The following ACTN2 variants were observed in gnomAD, a reference collection of about 807,000 sequenced individuals.
ACTN2 encodes the protein actinin alpha 2.
In ACTN2, 39 loss-of-function variants were observed where a neutral mutation model predicts 113.8. The observed-to-expected ratio is 0.34, with a 90% CI of 0.27 to 0.45. The LOEUF (loss-of-function observed/expected upper bound fraction) is 0.45. Among genes scored for constraint, ACTN2 ranks in the 20% least tolerant of loss-of-function variants. The probability of loss-of-function intolerance (pLI) is 1.00; values close to 1 mark genes in which losing one functional copy is unlikely to be tolerated. For synonymous variants in ACTN2, 429 were observed against 444.1 expected (o/e 0.97, Z 0.43); for missense variants, 992 against 1,177.9 (o/e 0.84, Z 2.31).
At chr1:236,736,685 C>T (rs1295406142) in intron 8 of ACTN2, 7 of 1,463,042 alleles carry the variant, frequency 4.8e-6, no homozygotes, top group Non-Finnish European at 5.5e-6. Flanking sequence ...CTGGATTTTC[C>T]TGCCCCAGTT....
At position 236,757,583 on chromosome 1, in the gene ACTN2, C is replaced by T. The variant is rs140836849; in HGVS notation, c.2252C>T (p.Thr751Ile). 1 of 1,614,014 alleles carries T rather than the reference C, an allele frequency of 6.2e-7. No homozygotes were observed. The highest frequency in any genetic ancestry group is 1.3e-5 in the African/African-American group (1 of 74,898). ...QILTRDAKGI[T>I]QEQMNEFRAS... is the part of the protein sequence containing the mutation. The stretch of plus-strand genomic sequence containing the variant: ...CTGACGAGAGATGCGAAGGGCATCA[C>T]CCAGGAGCAGATGAATGAGTTCAGA... Residue 751 changes from threonine to isoleucine, a missense_variant, in exon 18 of 21, where the codon ACC becomes ATC. Thr to Ile is a moderately conservative substitution (Grantham distance 89, BLOSUM62 -1). Coordinates refer to ENST00000366578, the MANE Select transcript of ACTN2 (RefSeq NM_001103.4).
rs556585009 is a variant in ACTN2, at chr1:236,749,875, C to A, written c.1656+611C>A. 5.3e-5 allele frequency among the ~76,000 whole-genome samples: 8 copies of A among 152,292 alleles called. No individual in the cohort carries two copies. In the East Asian group the frequency reaches 1.5e-3, roughly 29 times the overall value. ...TCATTGAGCAAAATAAACATATGTG[C>A]TCTTGGAGTTATTCATGAAAAAGTT... On this transcript the variant is annotated intron_variant, in intron 14 of 20. Transcript: ENST00000366578.
rs771809993 is a variant in ACTN2, at chr1:236,763,892, CCT to C, written c.*1274_*1275del. 7.2e-5 allele frequency: 11 copies of C among 152,264 alleles called. No homozygotes were observed. The highest frequency in any genetic ancestry group is 8.8e-5 in the Non-Finnish European group (6 of 68,012). 9.4% of individuals were successfully genotyped at this position (152,264 alleles called of 1,614,324 possible). A position where few individuals can be genotyped will look rare whatever the true frequency, so the allele number is the denominator to read the frequency against. ...ATACTGCTGTAGGCTATAATTCCCC[CCT>C]GTTTTTCCATCTTGTTGACAGCTTG... is the stretch of plus-strand genomic sequence containing the variant. On this transcript the variant is annotated 3_prime_UTR_variant, in exon 21 of 21. Transcript: ENST00000366578.
At chr1:236,719,797 T>G (rs1658329282) in intron 3 of ACTN2, among the ~76,000 whole-genome samples, 2 of 142,610 alleles carry the variant, frequency 1.4e-5, no homozygotes, top group African/African-American at 5.2e-5. Flanking sequence ...AGACTCCATC[T>G]CAAAAAAAAA....
At chr1:236,718,177 T>C (rs535355681) in intron 2 of ACTN2, among the ~76,000 whole-genome samples, 16 of 152,220 alleles carry the variant, frequency 1.1e-4, no homozygotes, top group Non-Finnish European at 2.1e-4. Flanking sequence ...TAAAAATCAC[T>C]TATTAAAATA....
At chr1:236,707,884 G>A (rs535299753) in intron 1 of ACTN2, among the ~76,000 whole-genome samples, 1 of 151,492 alleles carries the variant, frequency 6.6e-6, no homozygotes, top group South Asian at 2.1e-4. Context: ...GCTAATTTTT[G>A]TATTTTTAGT....
At position 236,761,131 on chromosome 1, in the gene ACTN2, C is replaced by G. The variant is rs397516576; in HGVS notation, c.2484C>G (p.Ala828=). The G allele has an allele frequency of 1.2e-6, 2 of 1,614,164 alleles. No individual in the cohort carries two copies. The highest frequency in any genetic ancestry group is 1.1e-5 in the South Asian group (1 of 91,074). The change falls in exon 20 of 21, where the codon GCC becomes GCG. Residue 828 remains alanine, a synonymous_variant. Transcript: ENST00000366578. ...MTRETADTDT[A]EQVIASFRIL... ...GAGAGACGGCTGACACCGACACTGCCGAGCAGGTCATCGCCTCCTTCCGGA... is the reference window on the plus strand; with the variant it reads ...GAGAGACGGCTGACACCGACACTGCGGAGCAGGTCATCGCCTCCTTCCGGA...
chr1:236,753,975 A>C lies in ACTN2; in HGVS notation c.1868A>C (p.Gln623Pro). The change falls in exon 16 of 21, where the codon CAA (glutamine) becomes CCA (proline). Residue 623 changes from glutamine (Q) to proline (P), a missense_variant. Physicochemically the swap from Gln to Pro is moderately conservative, Grantham distance 76. Transcript: ENST00000366578. ...KVKQLVPIRD[Q>P]SLQEELARQH... The stretch of plus-strand genomic sequence containing the variant: ...AAGCAACTCGTGCCCATCCGCGATC[A>C]ATCCCTGCAGGAGGAGCTGGCTCGC... 6.2e-7 allele frequency: 1 copy of C among 1,613,910 alleles called. No homozygotes were observed. The highest frequency in any genetic ancestry group is 8.5e-7 in the Non-Finnish European group (1 of 1,180,012).
At chr1:236,705,076 C>A (rs1417599860) in intron 1 of ACTN2, among the ~76,000 whole-genome samples, 4 of 152,082 alleles carry the variant, frequency 2.6e-5, no homozygotes, top group African/African-American at 9.7e-5. Context: ...AATTAGAGTC[C>A]CTCCAGGGAA....
In ACTN2 at chr1:236,720,151, C is replaced by T; in HGVS notation, c.408C>T (p.Thr136=). The T allele has an allele frequency of 6.2e-7, 1 of 1,613,828 alleles. No individual in the cohort carries two copies. Among genetic ancestry groups the T allele is most frequent in the Non-Finnish European group, 8.5e-7 (1 of 1,179,754 alleles). Residue 136 remains threonine (T), a synonymous_variant, in exon 4 of 21, where the codon ACC becomes ACT. Transcript: ENST00000366578. The part of the protein sequence containing the change: ...NVKMTLGMIW[T]IILRFAIQDI... ...AAATGACCCTGGGTATGATCTGGACCATCATCCTTCGCTTTGCTATTCAGG... is the reference window on the plus strand; with the variant it reads ...AAATGACCCTGGGTATGATCTGGACTATCATCCTTCGCTTTGCTATTCAGG...
chr1:236,748,215 G>A (rs558912830), intron 13 of ACTN2: 4 of 212,284 alleles, frequency 1.9e-5, no homozygotes, highest in Non-Finnish European at 3.8e-5. Flanking sequence ...AAGACTAAGT[G>A]TAAGACACAG....
intron 20 of ACTN2, 102 bp from the exon 21 acceptor site, chr1:236,762,358 CT>C: frequency 6.7e-7 from 1 of 1,500,344 alleles, no homozygotes; most frequent in Non-Finnish European, 9.2e-7. Flanking sequence ...TTCTTTAGTC[CT>C]TTTAAAAAAT....
At chr1:236,739,681 T>A in intron 10 of ACTN2, 149 bp downstream of exon 10, 2 of 982,010 alleles carry the variant, frequency 2.0e-6, no homozygotes, top group Non-Finnish European at 3.1e-6. Flanking sequence ...ACTTTGTTCT[T>A]AATACTTTTC....
chr1:236,708,222 G>T (rs12739634), intron 1 of ACTN2, among the ~76,000 whole-genome samples: 23,492 of 152,060 alleles, frequency 0.15, 2,173 homozygotes, highest in African/African-American at 0.25. Context: ...AAGGGCTGCT[G>T]CGTAGTTAGA....
In ACTN2 at chr1:236,759,808, T is replaced by G; in HGVS notation, c.2367+19T>G. 1 of 1,604,112 alleles carries G rather than the reference T, an allele frequency of 6.2e-7. No individual in the cohort carries two copies. Among genetic ancestry groups the G allele is most frequent in the South Asian group, 1.1e-5 (1 of 90,904 alleles). On this transcript the variant is annotated intron_variant, in intron 19 of 20. Coordinates refer to ENST00000366578, the MANE Select transcript of ACTN2 (RefSeq NM_001103.4). The stretch of plus-strand genomic sequence containing the variant: ...TGACCTGGTAAGACAGAAGTTGAAA[T>G]TGTACTAAGATTTGATATTTTATTG...
intron 12 of ACTN2, among the ~76,000 whole-genome samples, chr1:236,745,294 CCT>C (rs1659194687): frequency 6.6e-6 from 1 of 152,030 alleles, no homozygotes; most frequent in Non-Finnish European, 1.5e-5. Flanking sequence ...ATTAGCCGGG[CCT>C]GGTGGCGGGT....
intron 1 of ACTN2, among the ~76,000 whole-genome samples, chr1:236,700,078 T>C (rs1657629719): frequency 6.6e-6 from 1 of 152,220 alleles, no homozygotes; most frequent in South Asian, 2.1e-4. Context: ...ATTCTCCTTA[T>C]GATTTTTCAT....
chr1:236,761,442 T>C (rs1056702222), intron 20 of ACTN2, among the ~76,000 whole-genome samples: 81 of 150,406 alleles, frequency 5.4e-4, no homozygotes, highest in East Asian at 9.7e-4. Flanking sequence ...CGTGTGTGTG[T>C]GTGTGTGTGT....
chr1:236,759,830 A>G (rs776129815), intron 19 of ACTN2, 41 bp downstream of exon 19: 3 of 1,575,700 alleles, frequency 1.9e-6, no homozygotes, highest in South Asian at 2.2e-5. Context: ...TTGATATTTT[A>G]TTGAATTTGG....
Sources: allele counts gnomAD v4.1 joint callset (sites outside exome capture counted in the v4.1 genomes callset), GRCh38; gene constraint gnomAD v4.1.1; transcripts MANE v1.5; gene names NCBI Gene and HGNC (gene_info 2026-07-23, HGNC 2026-07-21).